The following CCNY variants were observed in gnomAD, a reference collection of about 807,000 sequenced individuals.
The protein encoded by CCNY is cyclin-Y.
Under a neutral mutation model 42.8 loss-of-function variants are expected in CCNY, and 19 were observed. The ratio of observed to expected loss-of-function variants is 0.44; its 90% CI spans 0.31 to 0.65. CCNY has a LOEUF of 0.65. CCNY is among the 30% of genes least tolerant of loss of function. The probability of loss-of-function intolerance (pLI) is 0.07; values close to 1 mark genes in which losing one functional copy is unlikely to be tolerated. For missense variants in CCNY, 370 were observed against 437.3 expected (o/e 0.85, Z 1.37); for synonymous variants, 165 against 162.7 (o/e 1.01, Z -0.11).
At chr10:35,504,235 A>T (rs917770503) in intron 3 of CCNY, among the ~76,000 whole-genome samples, 1 of 152,220 alleles carries the variant, frequency 6.6e-6, no homozygotes, top group African/African-American at 2.4e-5. Flanking sequence ...CCCCAGGACC[A>T]TGATAACTGC....
chr10:35,551,616 G>T (rs1053429254), intron 7 of CCNY, among the ~76,000 whole-genome samples: 2 of 152,112 alleles, frequency 1.3e-5, no homozygotes, highest in South Asian at 4.1e-4. Flanking sequence ...AGTGTAAGAC[G>T]TACTATCAAT....
At chr10:35,519,228 G>T (rs17602082) in intron 4 of CCNY, among the ~76,000 whole-genome samples, 27 of 124,548 alleles carry the variant, frequency 2.2e-4, no homozygotes, top group Middle Eastern at 5.4e-3. Flanking sequence ...ATTTGGATTT[G>T]TAACAGCTCT....
Position 35,336,906 on chromosome 10 carries a change from C to T in CCNY, c.-148C>T. 1 of 171,132 alleles carries T rather than the reference C, an allele frequency of 5.8e-6. No homozygotes were observed. The highest frequency in any genetic ancestry group is 6.5e-6 in the Non-Finnish European group (1 of 154,632). The allele number at this position is 171,132 out of a possible 1,614,324, so 10.6% of individuals were successfully genotyped here. Reference sequence around the variant, plus strand: ...GCCGCCGCCGCCGCTGCTGACCCGGCGGCCGGCCGCCGTTCCGCCCCCTCC... The same window carrying T: ...GCCGCCGCCGCCGCTGCTGACCCGGTGGCCGGCCGCCGTTCCGCCCCCTCC... On this transcript the variant is annotated 5_prime_UTR_variant, in exon 1 of 10. Coordinates refer to ENST00000374704, the MANE Select transcript of CCNY (RefSeq NM_145012.6).
At chr10:35,302,785 A>G (rs1311865450) in intron 3 of CCNY, among the ~76,000 whole-genome samples, 1 of 152,212 alleles carries the variant, frequency 6.6e-6, no homozygotes, top group African/African-American at 2.4e-5. Context: ...AGAGATCATG[A>G]ACACATAAGG....
intron 1 of CCNY, among the ~76,000 whole-genome samples, chr10:35,398,939 C>G (rs1008701215): frequency 1.3e-5 from 2 of 152,124 alleles, no homozygotes; most frequent in South Asian, 4.2e-4. Flanking sequence ...CAGAGCTGCC[C>G]CTGTGAAGAA....
intron 3 of CCNY, among the ~76,000 whole-genome samples, chr10:35,317,406 G>C (rs186348493): frequency 6.6e-6 from 1 of 152,324 alleles, no homozygotes; most frequent in East Asian, 1.9e-4. Context: ...TGGCTTTCAT[G>C]ACCAAGACGG....
chr10:35,278,963 C>T (rs966713025), intron 3 of CCNY, among the ~76,000 whole-genome samples: 5 of 152,258 alleles, frequency 3.3e-5, no homozygotes, highest in African/African-American at 1.2e-4. Context: ...CATGATGTTG[C>T]TGGTAATGCC....
chr10:35,557,669 T>G (rs932549278), intron 8 of CCNY, among the ~76,000 whole-genome samples: 1 of 152,206 alleles, frequency 6.6e-6, no homozygotes, highest in South Asian at 2.1e-4. Flanking sequence ...GGCAGGAGAA[T>G]CGCTTGAGCC....
intron 8 of CCNY, among the ~76,000 whole-genome samples, chr10:35,555,515 A>G (rs1346378441): frequency 1.3e-5 from 2 of 152,218 alleles, no homozygotes; most frequent in Non-Finnish European, 1.5e-5. Flanking sequence ...AGTACTTCCT[A>G]GCTCAAAAGA....
intron 1 of CCNY, among the ~76,000 whole-genome samples, chr10:35,356,691 A>G (rs1315262818): frequency 6.6e-6 from 1 of 151,888 alleles, no homozygotes; most frequent in Non-Finnish European, 1.5e-5. Flanking sequence ...CCTAATAGGG[A>G]AAAAAGACTG....
At chr10:35,449,847 G>A (rs1332877856) in intron 1 of CCNY, 7 of 977,482 alleles carry the variant, frequency 7.2e-6, no homozygotes, top group African/African-American at 1.7e-5. Context: ...TGGAGGTTGG[G>A]GGAGAGACAA....
chr10:35,562,485 C>T (rs72798176), intron 8 of CCNY, among the ~76,000 whole-genome samples: 4,666 of 152,314 alleles, frequency 0.031, 105 homozygotes, highest in South Asian at 0.08. Flanking sequence ...CTCCTTCCTC[C>T]AGCTCCTGGT....
chr10:35,373,953 A>T (rs1004346725), intron 1 of CCNY, among the ~76,000 whole-genome samples: 1 of 151,096 alleles, frequency 6.6e-6, no homozygotes, highest in African/African-American at 2.4e-5. Context: ...CATACAAATA[A>T]CTTTTTTCAT....
chr10:35,522,117 G>A (rs574858129), intron 4 of CCNY, among the ~76,000 whole-genome samples: 1 of 152,242 alleles, frequency 6.6e-6, no homozygotes, highest in South Asian at 2.1e-4. Context: ...TAAACCCTGG[G>A]CACTGCCTCT....
At chr10:35,540,188 TCTGTGTG>T (rs1356524656) in intron 7 of CCNY, among the ~76,000 whole-genome samples, 1 of 152,348 alleles carries the variant, frequency 6.6e-6, no homozygotes, top group East Asian at 1.9e-4. Context: ...CATTAAATGT[TCTGTGTG>T]CTGTGTGCTG....
chr10:35,522,749 A>G (rs948434973), intron 4 of CCNY, among the ~76,000 whole-genome samples: 1 of 152,246 alleles, frequency 6.6e-6, no homozygotes, highest in Admixed American at 6.5e-5. Flanking sequence ...GACTCTGGCC[A>G]CACATGCTGC....
At position 35,363,074 on chromosome 10, in the gene CCNY, C is replaced by T. The variant is rs113874337; in HGVS notation, c.154+25867C>T. Among the ~76,000 whole-genome samples the T allele has an allele frequency of 3.5e-3, 477 of 135,054 alleles. 2 individuals carry two copies. Among genetic ancestry groups the T allele is most frequent in the African/African-American group, 0.013 (447 of 35,612 alleles). The allele number at this position is 135,054 out of a possible 152,430, so 88.6% of individuals were successfully genotyped here. On this transcript the variant is annotated intron_variant, in intron 1 of 9. Transcript: ENST00000374704. ...GCTCCTCACTTCCCAGATGGTGGGC[C>T]GCCGGGCAGAGGCGCTCCTCACTTC...
chr10:35,525,655 C>T (rs1042470698), intron 4 of CCNY, among the ~76,000 whole-genome samples: 4 of 151,618 alleles, frequency 2.6e-5, no homozygotes, highest in East Asian at 1.9e-4. Flanking sequence ...TTTTACATAG[C>T]GCTTTTTTTT....
intron 1 of CCNY, among the ~76,000 whole-genome samples, chr10:35,427,508 T>C (rs1838295974): frequency 6.6e-6 from 1 of 152,272 alleles, no homozygotes; most frequent in Non-Finnish European, 1.5e-5. Context: ...ACCCTCTGTT[T>C]TGTCGAAGCC....
Sources: gnomAD v4.1 joint callset for allele counts (sites outside exome capture counted in the v4.1 genomes callset) on GRCh38, gnomAD v4.1.1 for gene constraint, MANE v1.5 for transcripts, NCBI Gene and HGNC (gene_info 2026-07-23, HGNC 2026-07-21) for gene names.